The following VAPB variants were observed in gnomAD, a reference collection of about 807,000 sequenced individuals.
VAPB encodes the protein vesicle-associated membrane protein-associated protein B/C.
A neutral mutation model predicts 25.6 loss-of-function variants in VAPB; 7 were observed. The observed-to-expected ratio is 0.27, with a 90% CI of 0.16 to 0.51. The LOEUF is 0.51. Among genes scored for constraint, VAPB ranks in the 20% least tolerant of loss-of-function variants. VAPB has a pLI of 0.97. For synonymous variants in VAPB, 112 were observed against 109.2 expected (o/e 1.03, Z -0.16); for missense variants, 266 against 301.3 (o/e 0.88, Z 0.87).
chr20:58,434,573 C>A, intron 2 of VAPB, 29 bp from the exon 3 acceptor site: 1 of 1,122,640 alleles, frequency 8.9e-7, no homozygotes, highest in Non-Finnish European at 1.4e-6. Context: ...CAAGCTCTGA[C>A]CCTCCTAATG....
At chr20:58,441,362 C>G (rs889320028) in intron 5 of VAPB, among the ~76,000 whole-genome samples, 2 of 152,212 alleles carry the variant, frequency 1.3e-5, no homozygotes, top group East Asian at 3.9e-4. Context: ...AAAAACTTGG[C>G]CGGGTGCGGT....
intron 2 of VAPB, among the ~76,000 whole-genome samples, chr20:58,419,452 G>A (rs903140412): frequency 6.6e-6 from 1 of 152,162 alleles, no homozygotes; most frequent in Non-Finnish European, 1.5e-5. Context: ...CAGGAGGGTC[G>A]AAGCCAGCAT....
In VAPB at chr20:58,418,344, G is replaced by A. The variant is rs1365638117; in HGVS notation, c.192G>A (p.Gly64=). 1.2e-6 allele frequency: 2 copies of A among 1,613,996 alleles called. No homozygotes were observed. The highest frequency in any genetic ancestry group is 1.7e-5 in the Admixed American group (1 of 60,006). ...CCAACAGCGGAATCATCGATGCAGGGGCCTCAATTAATGTATCTGGTAAGT... is the reference window on the plus strand; with the variant it reads ...CCAACAGCGGAATCATCGATGCAGGAGCCTCAATTAATGTATCTGGTAAGT... ...VRPNSGIIDA[G]ASINVSVMLQ... is the part of the protein sequence containing the mutation. Residue 64 remains glycine, a synonymous_variant, in exon 2 of 6, where the codon GGG becomes GGA. Coordinates refer to ENST00000475243, the MANE Select transcript of VAPB (RefSeq NM_004738.5).
At chr20:58,407,683 G>A (rs922556970) in intron 1 of VAPB, among the ~76,000 whole-genome samples, 18 of 150,982 alleles carry the variant, frequency 1.2e-4, no homozygotes, top group African/African-American at 4.4e-4. Context: ...TAACTCCCCG[G>A]AGGAATTTAA....
chr20:58,406,588 GTTC>G (rs1452706482), intron 1 of VAPB, among the ~76,000 whole-genome samples: 3 of 152,170 alleles, frequency 2.0e-5, no homozygotes, highest in Non-Finnish European at 4.4e-5. Flanking sequence ...TGCTAAACTT[GTTC>G]TTCTCCCCTG....
chr20:58,396,669 G>A (rs1190940084), intron 1 of VAPB, among the ~76,000 whole-genome samples: 1 of 152,188 alleles, frequency 6.6e-6, no homozygotes, highest in Non-Finnish European at 1.5e-5. Context: ...ACCCCGTTGG[G>A]TCGGGTCTGG....
At chr20:58,402,249 T>A (rs1988113440) in intron 1 of VAPB, among the ~76,000 whole-genome samples, 1 of 152,206 alleles carries the variant, frequency 6.6e-6, no homozygotes, top group Admixed American at 6.5e-5. Flanking sequence ...TTTCAGCCTT[T>A]TAGTTCTCCT....
chr20:58,440,541 G>A (rs1398719680), intron 4 of VAPB: 3 of 285,546 alleles, frequency 1.1e-5, no homozygotes, highest in African/African-American at 2.3e-5. Flanking sequence ...TCCTAGGGAT[G>A]TTCACATCTT....
rs377529475 is a variant in VAPB, at chr20:58,420,289, C to T, written c.211+1926C>T. On this transcript the variant is annotated intron_variant, in intron 2 of 5. Transcript: ENST00000475243. ...CGTGAGCCACCGCGCCAGGCATCTCCGTCTCTCTTTCAGGAAGATCCATTG... is the reference window on the plus strand; with the variant it reads ...CGTGAGCCACCGCGCCAGGCATCTCTGTCTCTCTTTCAGGAAGATCCATTG... 4.6e-5 allele frequency among the ~76,000 whole-genome samples: 7 copies of T among 152,266 alleles called. No individual in the cohort carries two copies. The South Asian group carries it at 1.0e-3, about 23-fold the overall frequency.
chr20:58,418,329 A>T lies in VAPB; in HGVS notation c.177A>T (p.Gly59=). ...PRRYCVRPNS[G]IIDAGASINV... Reference sequence around the variant, plus strand: ...GGTACTGTGTGAGGCCCAACAGCGGAATCATCGATGCAGGGGCCTCAATTA... The same window carrying T: ...GGTACTGTGTGAGGCCCAACAGCGGTATCATCGATGCAGGGGCCTCAATTA... Residue 59 remains glycine, a synonymous_variant, in exon 2 of 6, where the codon GGA becomes GGT. Coordinates refer to ENST00000475243, the MANE Select transcript of VAPB (RefSeq NM_004738.5). 6.2e-7 allele frequency: 1 copy of T among 1,614,212 alleles called. No homozygotes were observed. The highest frequency in any genetic ancestry group is 8.5e-7 in the Non-Finnish European group (1 of 1,180,036).
chr20:58,418,142 C>A (rs1988587425), intron 1 of VAPB, 69 bp from the exon 2 acceptor site: 1 of 1,597,676 alleles, frequency 6.3e-7, no homozygotes, highest in Non-Finnish European at 8.6e-7. Context: ...ATATTTACAG[C>A]TCTCTTTTCC....
intron 1 of VAPB, among the ~76,000 whole-genome samples, chr20:58,407,917 A>G (rs923202291): frequency 3.3e-5 from 5 of 152,300 alleles, no homozygotes; most frequent in African/African-American, 9.6e-5. Context: ...ATAAACTGCA[A>G]ATATCTTAGT....
intron 5 of VAPB, among the ~76,000 whole-genome samples, chr20:58,441,841 AG>A (rs1282062151): frequency 2.3e-4 from 35 of 152,348 alleles, no homozygotes; most frequent in African/African-American, 8.4e-4. Context: ...GACTCTAAAT[AG>A]GTCTGGGCAG....
chr20:58,416,792 A>C (rs989025761), intron 1 of VAPB, among the ~76,000 whole-genome samples: 7 of 151,350 alleles, frequency 4.6e-5, no homozygotes, highest in Non-Finnish European at 1.0e-4. Flanking sequence ...GGAGCACCTC[A>C]AGAGTAGAGA....
intron 1 of VAPB, among the ~76,000 whole-genome samples, chr20:58,412,803 C>T (rs1426131016): frequency 2.0e-5 from 3 of 152,020 alleles, no homozygotes; most frequent in South Asian, 4.1e-4. Context: ...TGAAGGGAAG[C>T]GTTTTAATTT....
chr20:58,448,637 C>T lies in VAPB; in HGVS notation c.*4402C>T, dbSNP rs565228671. 18 of 454,098 alleles carry T rather than the reference C, an allele frequency of 4.0e-5. No homozygotes were observed. Among genetic ancestry groups the T allele is most frequent in the African/African-American group, 3.4e-4 (17 of 50,130 alleles). The allele number at this position is 454,098 out of a possible 1,614,324, so 28.1% of individuals were successfully genotyped here. The stretch of plus-strand genomic sequence containing the variant: ...GAAGTGAGTGGATGAGGCCTTCCTG[C>T]CTCAGCTACTCTGCCCGTCTGTACA... On this transcript the variant is annotated 3_prime_UTR_variant, in exon 6 of 6. Coordinates refer to ENST00000475243, the MANE Select transcript of VAPB (RefSeq NM_004738.5).
At chr20:58,439,146 A>G (rs1352226252) in intron 4 of VAPB, 121 bp downstream of exon 4, 3 of 927,950 alleles carry the variant, frequency 3.2e-6, no homozygotes, top group East Asian at 2.6e-5. Flanking sequence ...ATGTCTGAAG[A>G]AAAAAAATAA....
chr20:58,414,116 C>T (rs1455451001), intron 1 of VAPB, among the ~76,000 whole-genome samples: 2 of 108,712 alleles, frequency 1.8e-5, no homozygotes, highest in East Asian at 2.8e-4. Context: ...GGCGGCTGGC[C>T]GGGCGGGAGG....
At position 58,406,341 on chromosome 20, in the gene VAPB, A is replaced by G. The variant is rs1988229363; in HGVS notation, c.59-11870A>G. On this transcript the variant is annotated intron_variant, in intron 1 of 5. Transcript: ENST00000475243. Reference sequence around the variant, plus strand: ...AAGAATGAGCATAATTTCCAAAGGCAGAGTAAGGGAAAAATAGAAAATATT... The same window carrying G: ...AAGAATGAGCATAATTTCCAAAGGCGGAGTAAGGGAAAAATAGAAAATATT... Among the ~76,000 whole-genome samples, 5 of 152,364 alleles carry G rather than the reference A, an allele frequency of 3.3e-5. No individual in the cohort carries two copies. The South Asian group carries it at 1.0e-3, about 32-fold the overall frequency.
Sources: gnomAD v4.1 joint callset for allele counts (sites outside exome capture counted in the v4.1 genomes callset) on GRCh38, gnomAD v4.1.1 for gene constraint, MANE v1.5 for transcripts, NCBI Gene and HGNC (gene_info 2026-07-23, HGNC 2026-07-21) for gene names.